Variants in ZNF678 observed in about 807,000 individuals in gnomAD.
The protein encoded by ZNF678 is zinc finger protein 678, also known as hypothetical protein MGC42493.
Under a neutral mutation model 3.0 loss-of-function variants are expected in ZNF678, and 5 were observed. The ratio of observed to expected loss-of-function variants is 1.69; its 90% CI spans 0.88 to 3.56. The LOEUF (loss-of-function observed/expected upper bound fraction) is 3.56. Among genes scored for constraint, ZNF678 ranks in the 30% most tolerant of loss-of-function variants. ZNF678 has a pLI of 0.00. For synonymous variants in ZNF678, 218 were observed against 199.6 expected, an observed-to-expected ratio of 1.09 and a Z score of -0.78; for missense variants, 593 against 605.0, an observed-to-expected ratio of 0.98 and a Z score of 0.21.
chr1:227,667,382 G>GTGT (rs1051790042), downstream of ZNF678, among the ~76,000 whole-genome samples: 2 of 152,124 alleles, frequency 1.3e-5, no homozygotes, highest in Non-Finnish European at 2.9e-5. Flanking sequence ...CTCAGTCGAT[G>GTGT]TGTTATTTGA....
chr1:227,639,626 T>G (rs1329820589), intron 1 of ZNF678, among the ~76,000 whole-genome samples: 1 of 152,156 alleles, frequency 6.6e-6, no homozygotes, highest in African/African-American at 2.4e-5. Flanking sequence ...TCTTTTTGAG[T>G]GCTGCAAGGA....
intron 1 of ZNF678, among the ~76,000 whole-genome samples, chr1:227,591,150 G>C (rs1389958464): frequency 6.6e-6 from 1 of 151,814 alleles, no homozygotes; most frequent in Non-Finnish European, 1.5e-5. Flanking sequence ...GTTTATTGTA[G>C]AAGGTTTGAA....
intron 1 of ZNF678, among the ~76,000 whole-genome samples, chr1:227,614,987 G>A (rs1422946247): frequency 6.6e-6 from 1 of 152,230 alleles, no homozygotes; most frequent in African/African-American, 2.4e-5. Flanking sequence ...ACATTACGCA[G>A]CCTTCAGCAC....
chr1:227,677,227 C>T (rs1186537197), exon 6 of ZNF678: 4 of 152,172 alleles, frequency 2.6e-5, no homozygotes, highest in African/African-American at 9.7e-5. Flanking sequence ...TCATGGTTCA[C>T]CACTTCCAGC....
intron 1 of ZNF678, among the ~76,000 whole-genome samples, chr1:227,623,920 A>G (rs1437194010): frequency 1.3e-5 from 2 of 152,196 alleles, no homozygotes; most frequent in Non-Finnish European, 2.9e-5. Context: ...CTCATTTTAT[A>G]TATTTTGAAT....
At chr1:227,577,700 C>T (rs1657020784) in intron 1 of ZNF678, among the ~76,000 whole-genome samples, 1 of 152,112 alleles carries the variant, frequency 6.6e-6, no homozygotes, top group African/African-American at 2.4e-5. Flanking sequence ...TCTTGACATT[C>T]TGTGTCTTTT....
downstream of ZNF678, among the ~76,000 whole-genome samples, chr1:227,666,051 TAAAG>T (rs1654792728): frequency 6.6e-6 from 1 of 152,216 alleles, no homozygotes; most frequent in Admixed American, 6.5e-5. Flanking sequence ...GAATTTGTGG[TAAAG>T]AAAGGTTGCC....
chr1:227,666,046 T>TGTGGTAAAG (rs1272740733), downstream of ZNF678, among the ~76,000 whole-genome samples: 12 of 152,388 alleles, frequency 7.9e-5, no homozygotes, highest in South Asian at 8.3e-4. Context: ...TCTAAGAATT[T>TGTGGTAAAG]GTGGTAAAGA....
At position 227,638,158 on chromosome 1, in the gene ZNF678, G is replaced by A. The variant is rs889570506; in HGVS notation, c.-163-8386G>A. On this transcript the variant is annotated intron_variant, in intron 1 of 3. Coordinates refer to ENST00000343776, the MANE Select transcript of ZNF678 (RefSeq NM_001367909.1). This position sits in a 1 kb window ranked among gnomAD's most constrained non-coding sequence, Gnocchi z 4.2. ...CACCAGGTGAGCTGACGTGAAAGGT[G>A]GGTGTCGGGGTTTTCCCAAGTAAAG... 6.6e-6 allele frequency among the ~76,000 whole-genome samples: 1 copy of A among 152,188 alleles called. No individual in the cohort carries two copies. Among genetic ancestry groups the A allele is most frequent in the Non-Finnish European group, 1.5e-5 (1 of 68,034 alleles).
chr1:227,623,903 T>C (rs373539987), intron 1 of ZNF678, among the ~76,000 whole-genome samples: 3 of 152,328 alleles, frequency 2.0e-5, no homozygotes, highest in East Asian at 1.9e-4. Flanking sequence ...AGATTTGAGG[T>C]AATAATCTCA....
chr1:227,640,678 C>T lies in ZNF678; in HGVS notation c.-163-5866C>T, dbSNP rs116589845. ...TGGACCCGTTATCTAATTCGTACTG[C>T]GGCCAGGCTGTATCGCAAAAAAAGA... On this transcript the variant is annotated intron_variant, in intron 1 of 3. Coordinates refer to ENST00000343776, the MANE Select transcript of ZNF678 (RefSeq NM_001367909.1). 8.8e-3 allele frequency among the ~76,000 whole-genome samples: 1,337 copies of T among 152,252 alleles called. 26 individuals are homozygous for T. The highest frequency in any genetic ancestry group is 0.031 in the African/African-American group (1,272 of 41,552).
chr1:227,679,084 C>A (rs1571932101), downstream of ZNF678, among the ~76,000 whole-genome samples: 1 of 151,216 alleles, frequency 6.6e-6, no homozygotes, highest in African/African-American at 2.4e-5. Context: ...TAAACTCACT[C>A]TCCTATGGAA....
chr1:227,601,505 A>G (rs769535502), intron 1 of ZNF678, among the ~76,000 whole-genome samples: 1 of 150,072 alleles, frequency 6.7e-6, no homozygotes, highest in East Asian at 1.9e-4. Flanking sequence ...TTCTTGTGAC[A>G]ATTGTGAATG....
intron 3 of ZNF678, among the ~76,000 whole-genome samples, chr1:227,653,098 G>T (rs1029861379): frequency 6.6e-6 from 1 of 151,876 alleles, no homozygotes; most frequent in African/African-American, 2.4e-5. Flanking sequence ...ACTCCATTTT[G>T]CCCTGCAAGG....
At position 227,642,271 on chromosome 1, in the gene ZNF678, C is replaced by T. The variant is rs1658840624; in HGVS notation, c.-163-4273C>T. 1.3e-5 allele frequency among the ~76,000 whole-genome samples: 2 copies of T among 152,310 alleles called. 1 individual carries two copies. Among genetic ancestry groups the T allele is most frequent in the Non-Finnish European group, 2.9e-5 (2 of 68,026 alleles). On this transcript the variant is annotated intron_variant, in intron 1 of 3. Coordinates refer to ENST00000343776, the MANE Select transcript of ZNF678 (RefSeq NM_001367909.1). ...AAAGTCCCTCTTTTGGAGTGGGTTT[C>T]TCCATGTTTTGTAGATTTTGTCCAG...
At chr1:227,633,834 C>T (rs962286688) in intron 1 of ZNF678, among the ~76,000 whole-genome samples, 9 of 152,198 alleles carry the variant, frequency 5.9e-5, no homozygotes, top group African/African-American at 2.2e-4. Flanking sequence ...TAGTGCTGAA[C>T]TGGGCCCAGA....
chr1:227,587,287 T>A (rs1251820375), intron 1 of ZNF678, among the ~76,000 whole-genome samples: 1 of 151,892 alleles, frequency 6.6e-6, no homozygotes, highest in Non-Finnish European at 1.5e-5. Flanking sequence ...AGTTGCCTTT[T>A]CCAGGTTACT....
At chr1:227,662,902 C>T (rs1452653275), downstream of ZNF678, among the ~76,000 whole-genome samples, 1 of 152,178 alleles carries the variant, frequency 6.6e-6, no homozygotes, top group Admixed American at 6.5e-5. Flanking sequence ...TGCATTTTCT[C>T]CCAAAAATGT....
chr1:227,617,191 G>T (rs1362855131), intron 1 of ZNF678, among the ~76,000 whole-genome samples: 1 of 152,214 alleles, frequency 6.6e-6, no homozygotes, highest in Non-Finnish European at 1.5e-5. Flanking sequence ...TGTGCCACCA[G>T]GTTATCATGC....
Sources: gnomAD v4.1 joint callset for allele counts (sites outside exome capture counted in the v4.1 genomes callset) on GRCh38, gnomAD v4.1.1 for gene constraint, Gnocchi (gnomAD v3.1) non-coding constraint, MANE v1.5 for transcripts, NCBI Gene and HGNC (gene_info 2026-07-23, HGNC 2026-07-21) for gene names.